ZNF222: variants seen among roughly 807,000 people sequenced by gnomAD.
ZNF222 encodes the protein zinc finger protein 222.
Under a neutral mutation model 11.6 loss-of-function variants are expected in ZNF222, and 8 were observed. The ratio of observed to expected loss-of-function variants is 0.69; its 90% CI spans 0.41 to 1.25. The LOEUF (loss-of-function observed/expected upper bound fraction) is 1.25. Ranked by LOEUF, ZNF222 falls within the 50% of genes most tolerant of loss-of-function variation. ZNF222 has a pLI of 0.01. For synonymous variants in ZNF222, 171 were observed against 195.6 expected (o/e 0.87, Z 1.05); for missense variants, 483 against 576.1 (o/e 0.84, Z 1.65).
In ZNF222 at chr19:44,032,672, G is replaced by C. The variant is rs144098932; in HGVS notation, c.1118G>C (p.Arg373Pro). Residue 373 changes from arginine to proline, a missense_variant, in exon 4 of 4, where the codon CGA becomes CCA. Coordinates refer to ENST00000391960, the MANE Select transcript of ZNF222 (RefSeq NM_001129996.2). ...TCCTCATATCTTTTGGTCCATCAACGAGTCCACACTGGAGAAAAGCCATAC... is the reference window on the plus strand; with the variant it reads ...TCCTCATATCTTTTGGTCCATCAACCAGTCCACACTGGAGAAAAGCCATAC... ...KWSSYLLVHQ[R>P]VHTGEKPYKC... 6.2e-7 allele frequency: 1 copy of C among 1,614,174 alleles called. No homozygotes were observed. Among genetic ancestry groups the C allele is most frequent in the Non-Finnish European group, 8.5e-7 (1 of 1,180,040 alleles).
chr19:44,030,131 C>A (rs1228336235), intron 3 of ZNF222, among the ~76,000 whole-genome samples: 1 of 152,168 alleles, frequency 6.6e-6, no homozygotes, highest in Non-Finnish European at 1.5e-5. Context: ...TTCTGAACAA[C>A]TTTGATTGTC....
rs1188265115 is a variant in ZNF222 at position 44,031,836 on chromosome 19, G to A, written c.282G>A (p.Glu94=). The A allele has an allele frequency of 1.9e-6, 3 of 1,613,942 alleles. No individual in the cohort carries two copies. The stretch of plus-strand genomic sequence containing the variant: ...TTATAGGAGGCAAGATCCAAACTGA[G>A]ATGGAGACTGTTCCAGAAGCAGGAA... ...EGNLGGKIQT[E]METVPEAGTH... Residue 94 remains glutamate, a synonymous_variant, in exon 4 of 4, where the codon GAG becomes GAA. Coordinates refer to ENST00000391960, the MANE Select transcript of ZNF222 (RefSeq NM_001129996.2).
chr19:44,029,186 G>GGT (rs1976443972), intron 3 of ZNF222, among the ~76,000 whole-genome samples: 1 of 97,852 alleles, frequency 1.0e-5, no homozygotes, highest in African/African-American at 4.3e-5. Flanking sequence ...GGTTTGTTTT[G>GGT]TTTTGTTTTT....
chr19:44,029,158 T>C (rs921623603), intron 3 of ZNF222, among the ~76,000 whole-genome samples: 2 of 151,748 alleles, frequency 1.3e-5, no homozygotes, highest in Non-Finnish European at 2.9e-5. Flanking sequence ...GCTGACTATA[T>C]GTTGCAGGAC....
At chr19:44,029,544 T>G (rs75048177) in intron 3 of ZNF222, among the ~76,000 whole-genome samples, 6,688 of 152,296 alleles carry the variant, frequency 0.044, 424 homozygotes, top group African/African-American at 0.14. Context: ...AATCTTTCTT[T>G]ATATTTATAG....
At chr19:44,027,188 C>T in intron 2 of ZNF222, 39 bp downstream of exon 2, 1 of 1,609,184 alleles carries the variant, frequency 6.2e-7, no homozygotes, top group Non-Finnish European at 8.5e-7. Flanking sequence ...TGTCAGGCCC[C>T]AGGAGTGGTT....
chr19:44,025,740 A>C lies in ZNF222; in HGVS notation c.42+262A>C, dbSNP rs1006457678. 6.6e-6 allele frequency among the ~76,000 whole-genome samples: 1 copy of C among 152,082 alleles called. No individual in the cohort carries two copies. The highest frequency in any genetic ancestry group is 1.5e-5 in the Non-Finnish European group (1 of 68,008). On this transcript the variant is annotated intron_variant, in intron 1 of 3. Transcript: ENST00000391960. The surrounding 1 kb of genome is among the most constrained non-coding windows in gnomAD (Gnocchi z 4.6). ...GGGACTTTTCGGACCATCCTAATGGATTCATTTTGGGACCTGAAAGAGGTA... is the reference window on the plus strand; with the variant it reads ...GGGACTTTTCGGACCATCCTAATGGCTTCATTTTGGGACCTGAAAGAGGTA...
At chr19:44,031,515 C>T (rs1483029096) in intron 3 of ZNF222, among the ~76,000 whole-genome samples, 1 of 152,186 alleles carries the variant, frequency 6.6e-6, no homozygotes, top group East Asian at 1.9e-4. Flanking sequence ...CGGAGTCTCA[C>T]TCTGTTGCCC....
Position 44,031,714 on chromosome 19 carries a change from C to A in ZNF222, c.263-103C>A, listed in dbSNP as rs181749729. ...GCCAGGATGGTCTCAAACTCCTGAC[C>A]TCACAGTCCACCCGCCTCGGCCTCC... On this transcript the variant is annotated intron_variant, in intron 3 of 3. Transcript: ENST00000391960. 12 of 1,315,116 alleles carry A rather than the reference C, an allele frequency of 9.1e-6. 1 individual carries two copies. Among genetic ancestry groups the A allele is most frequent in the South Asian group, 8.4e-5 (6 of 71,088 alleles). The allele number at this position is 1,315,116 out of a possible 1,614,324, so 81.5% of individuals were successfully genotyped here.
chr19:44,032,349 A>G lies in ZNF222; in HGVS notation c.795A>G (p.Arg265=). 6.2e-7 allele frequency: 1 copy of G among 1,614,220 alleles called. No homozygotes were observed. The highest frequency in any genetic ancestry group is 1.6e-4 in the Middle Eastern group (1 of 6,062). Residue 265 remains arginine, a synonymous_variant, in exon 4 of 4, where the codon AGA becomes AGG. Coordinates refer to ENST00000391960, the MANE Select transcript of ZNF222 (RefSeq NM_001129996.2). The part of the protein sequence containing the change: ...ALKVHCKLHM[R]EKPYNCEKCG... ...AAGTTCATTGCAAATTACACATGAG[A>G]GAGAAACCTTATAATTGTGAGAAAT...
intron 1 of ZNF222, among the ~76,000 whole-genome samples, chr19:44,026,573 G>A (rs998538519): frequency 1.5e-5 from 2 of 134,696 alleles, no homozygotes; most frequent in African/African-American, 6.8e-5. Context: ...TTTTTACAGA[G>A]TTTCGCTCTT....
chr19:44,027,237 G>C, intron 2 of ZNF222, 88 bp downstream of exon 2: 1 of 1,592,618 alleles, frequency 6.3e-7, no homozygotes, highest in Non-Finnish European at 8.6e-7. Context: ...TGTGCAGTGA[G>C]AACCTACATT....
chr19:44,027,576 C>A, intron 3 of ZNF222, 86 bp downstream of exon 3: 4 of 1,278,096 alleles, frequency 3.1e-6, no homozygotes, highest in South Asian at 1.2e-5. Context: ...GGTAAATGGC[C>A]AAACCTGTTT....
chr19:44,026,676 C>T (rs1006718850), intron 1 of ZNF222, among the ~76,000 whole-genome samples: 8 of 151,498 alleles, frequency 5.3e-5, no homozygotes, highest in Non-Finnish European at 5.9e-5. Context: ...GTCTCATTTT[C>T]GTCAAAGGGC....
At chr19:44,029,890 C>T (rs575776461) in intron 3 of ZNF222, among the ~76,000 whole-genome samples, 29 of 152,278 alleles carry the variant, frequency 1.9e-4, no homozygotes, top group South Asian at 1.2e-3. Flanking sequence ...CAGTGTAACA[C>T]GGACAAACAT....
In ZNF222 at chr19:44,025,614, C is replaced by T; in HGVS notation, c.42+136C>T. The stretch of plus-strand genomic sequence containing the variant: ...ACTTTGACCTCGCTTAGTCCGCCTC[C>T]CTCCTCCCTACGTGTGCAGCCCCTT... On this transcript the variant is annotated intron_variant, in intron 1 of 3. Transcript: ENST00000391960. This position sits in a 1 kb window ranked among gnomAD's most constrained non-coding sequence, Gnocchi z 4.6. 3.5e-6 allele frequency: 3 copies of T among 859,158 alleles called. No individual in the cohort carries two copies. In the South Asian group the frequency reaches 5.3e-5, roughly 15 times the overall value. The allele number at this position is 859,158 out of a possible 1,614,324, so 53.2% of individuals were successfully genotyped here.
In ZNF222 at chr19:44,025,980, G is replaced by T; in HGVS notation, c.42+502G>T. On this transcript the variant is annotated intron_variant, in intron 1 of 3. Transcript: ENST00000391960. The surrounding 1 kb of genome is among the most constrained non-coding windows in gnomAD (Gnocchi z 4.6). ...GAGGGGAGCATTTAACTTTTATGGGGGACGGCAAAACGGTCAGGGTGTTTC... is the reference window on the plus strand; with the variant it reads ...GAGGGGAGCATTTAACTTTTATGGGTGACGGCAAAACGGTCAGGGTGTTTC... 1.3e-6 allele frequency: 2 copies of T among 1,574,822 alleles called. No homozygotes were observed. The highest frequency in any genetic ancestry group is 1.2e-5 in the South Asian group (1 of 86,018).
chr19:44,029,632 T>C (rs1976457791), intron 3 of ZNF222, among the ~76,000 whole-genome samples: 1 of 152,166 alleles, frequency 6.6e-6, no homozygotes, highest in African/African-American at 2.4e-5. Flanking sequence ...AATAGAAACC[T>C]CCCGAAGGAT....
At position 44,027,434 on chromosome 19, in the gene ZNF222, T is replaced by G. The variant is rs755640063; in HGVS notation, c.206T>G (p.Leu69Arg). 1.5e-5 allele frequency: 24 copies of G among 1,614,014 alleles called. No homozygotes were observed. In the Admixed American group the frequency reaches 3.7e-4, roughly 25 times the overall value. Reference protein sequence around the residue: ...QPFHGDTFHFLREEKFWVMGT... With the variant: ...QPFHGDTFHFRREEKFWVMGT... ...TTCCATGGAGATACTTTCCACTTCC[T>G]AAGGGAAGAAAAGTTTTGGGTGATG... is the stretch of plus-strand genomic sequence containing the variant. The change falls in exon 3 of 4, where the codon CTA becomes CGA. Residue 69 changes from leucine (L) to arginine (R), a missense_variant. Coordinates refer to ENST00000391960, the MANE Select transcript of ZNF222 (RefSeq NM_001129996.2).
Sources: allele counts gnomAD v4.1 joint callset (sites outside exome capture counted in the v4.1 genomes callset), GRCh38; gene constraint gnomAD v4.1.1; non-coding constraint Gnocchi (gnomAD v3.1); transcripts MANE v1.5; gene names NCBI Gene and HGNC (gene_info 2026-07-23, HGNC 2026-07-21).